ZC3H4: variants seen among roughly 807,000 people sequenced by gnomAD.
The protein encoded by ZC3H4 is zinc finger CCCH-type containing 4.
Under a neutral mutation model 108.3 loss-of-function variants are expected in ZC3H4, and 13 were observed. The observed-to-expected ratio is 0.12, with a 90% confidence interval of 0.08 to 0.19. The LOEUF (loss-of-function observed/expected upper bound fraction) is 0.19, where lower values mean the gene tolerates loss of function less well. Ranked by LOEUF, ZC3H4 falls within the 10% of genes least tolerant of loss-of-function variation. The pLI is 1.00. For synonymous variants in ZC3H4, 917 were observed against 749.6 expected, an observed-to-expected ratio of 1.22 and a Z score of -3.65; for missense variants, 1,734 against 1,838.8, an observed-to-expected ratio of 0.94 and a Z score of 1.04.
At chr19:47,096,699 A>T in intron 2 of ZC3H4, 1 of 665,616 alleles carries the variant, frequency 1.5e-6, no homozygotes, top group Non-Finnish European at 1.9e-6. Context: ...GAACAACATT[A>T]CTCTCGACAC....
At chr19:47,073,296 G>A (rs1032782244) in intron 11 of ZC3H4, among the ~76,000 whole-genome samples, 4 of 152,028 alleles carry the variant, frequency 2.6e-5, no homozygotes, top group African/African-American at 4.8e-5. Context: ...AATGCCAGAC[G>A]TGGTGGCTCA....
intron 2 of ZC3H4, among the ~76,000 whole-genome samples, chr19:47,097,271 G>T (rs1431512579): frequency 6.6e-6 from 1 of 152,208 alleles, no homozygotes; most frequent in African/African-American, 2.4e-5. Flanking sequence ...TTGAAATTTT[G>T]TTTCCCTAAA....
intron 5 of ZC3H4, among the ~76,000 whole-genome samples, chr19:47,089,242 C>T (rs1389714148): frequency 1.4e-5 from 2 of 142,196 alleles, no homozygotes; most frequent in Admixed American, 7.1e-5. Context: ...AATGAATGAA[C>T]AGCTACTCAA....
chr19:47,066,965 C>A lies in ZC3H4; in HGVS notation c.3303G>T (p.Glu1101Asp). Residue 1101 changes from glutamate (E) to aspartate (D), a missense_variant, in exon 15 of 15, where the codon GAG (glutamate) becomes GAT (aspartate). Transcript: ENST00000253048. ...TCGGGCTGGCGGTGGGAGAGGGCGCCTCAGCAGGGCCGGGCTTGGCAGCCC... is the reference window on the plus strand; with the variant it reads ...TCGGGCTGGCGGTGGGAGAGGGCGCATCAGCAGGGCCGGGCTTGGCAGCCC... ...SSRAAKPGPA[E>D]APSPTASPSG... 1 of 1,592,200 alleles carries A rather than the reference C, an allele frequency of 6.3e-7. No individual in the cohort carries two copies. The highest frequency in any genetic ancestry group is 1.1e-5 in the South Asian group (1 of 89,162).
chr19:47,068,249 C>G (rs745743815), intron 14 of ZC3H4, among the ~76,000 whole-genome samples: 2 of 152,236 alleles, frequency 1.3e-5, no homozygotes, highest in Non-Finnish European at 2.9e-5. Context: ...CAGAGCTCTG[C>G]TGTTTCCTCC....
Position 47,066,585 on chromosome 19 carries a change from G to T in ZC3H4, c.3683C>A (p.Ala1228Asp). Residue 1228 changes from alanine (A) to aspartate (D), a missense_variant, in exon 15 of 15, where the codon GCC (alanine) becomes GAC (aspartate). By Grantham distance (126) the Ala-to-Asp change is moderately radical. This residue lies in a region of ZC3H4 where 518 missense variants were observed against 499.6 expected (regional missense o/e 1.04). Coordinates refer to ENST00000253048, the MANE Select transcript of ZC3H4 (RefSeq NM_015168.2). ...TGGGGTGGCGGTGGTGGCAGCGGGG[G>T]CTGCAGCAGCCTTGGGCCGGGGCCG... is the stretch of plus-strand genomic sequence containing the variant. ...YNRPRPKAAA[A>D]PAATTATPPP... 6.3e-7 allele frequency: 1 copy of T among 1,595,730 alleles called. No homozygotes were observed. The highest frequency in any genetic ancestry group is 8.5e-7 in the Non-Finnish European group (1 of 1,170,622).
chr19:47,112,316 C>T (rs2058050745), intron 2 of ZC3H4, 108 bp downstream of exon 2: 4 of 1,147,770 alleles, frequency 3.5e-6, no homozygotes, highest in Non-Finnish European at 4.4e-6. Context: ...TCCTCCTCCT[C>T]CTCCTCCTCC....
intron 2 of ZC3H4, among the ~76,000 whole-genome samples, chr19:47,107,156 A>G (rs1024819195): frequency 2.0e-5 from 3 of 152,228 alleles, no homozygotes; most frequent in African/African-American, 2.4e-5. Flanking sequence ...GTCAACCCCA[A>G]TTGGCTCCCT....
chr19:47,082,041 G>A (rs1173789288), intron 10 of ZC3H4, 143 bp downstream of exon 10: 9 of 734,524 alleles, frequency 1.2e-5, no homozygotes, highest in Non-Finnish European at 2.2e-5. Flanking sequence ...GCGGACGTGA[G>A]TGTTAAATGA....
At chr19:47,099,889 G>A (rs73943619) in intron 2 of ZC3H4, among the ~76,000 whole-genome samples, 22 of 151,508 alleles carry the variant, frequency 1.5e-4, no homozygotes, top group Non-Finnish European at 2.5e-4. Flanking sequence ...GAACAGCAGC[G>A]GTTACCTTAA....
At chr19:47,091,199 G>A (rs1231601445) in intron 4 of ZC3H4, among the ~76,000 whole-genome samples, 3 of 152,180 alleles carry the variant, frequency 2.0e-5, no homozygotes, top group Admixed American at 6.5e-5. Context: ...TTGAACCCGC[G>A]AGGCAGAGGT....
chr19:47,083,542 T>C (rs2057561868), intron 9 of ZC3H4, among the ~76,000 whole-genome samples: 1 of 151,954 alleles, frequency 6.6e-6, no homozygotes, highest in Non-Finnish European at 1.5e-5. Context: ...CTGTCTCTAC[T>C]AAAAATACAA....
intron 9 of ZC3H4, 145 bp downstream of exon 9, chr19:47,084,200 T>C (rs769213187): frequency 1.5e-5 from 11 of 725,022 alleles, no homozygotes; most frequent in Non-Finnish European, 2.1e-5. Context: ...CCCAGGCAAC[T>C]CCCAGTATCG....
rs1351809612 is a variant in ZC3H4 at position 47,086,529 on chromosome 19, C to T, written c.725G>A (p.Gly242Asp). Residue 242 changes from glycine to aspartate, a missense_variant, in exon 6 of 15, where the codon GGC becomes GAC. Transcript: ENST00000253048. ...EGSSRGRGSR[G>D]RGRGYRGRGS... Reference sequence around the variant, plus strand: ...TCGGCCCCTGTAGCCCCGGCCCCGGCCTCGGCTGCCTGCATGGAGATTCAG... The same window carrying T: ...TCGGCCCCTGTAGCCCCGGCCCCGGTCTCGGCTGCCTGCATGGAGATTCAG... 6.3e-7 allele frequency: 1 copy of T among 1,587,960 alleles called. No individual in the cohort carries two copies. Among genetic ancestry groups the T allele is most frequent in the Non-Finnish European group, 8.5e-7 (1 of 1,173,668 alleles).
intron 13 of ZC3H4, among the ~76,000 whole-genome samples, chr19:47,070,171 C>T (rs916102342): frequency 6.6e-6 from 1 of 151,980 alleles, no homozygotes; most frequent in Admixed American, 6.5e-5. Flanking sequence ...CCCCACAGAA[C>T]GCTCTGCAGT....
intron 4 of ZC3H4, among the ~76,000 whole-genome samples, chr19:47,093,366 A>G (rs2057769813): frequency 6.6e-6 from 1 of 152,134 alleles, no homozygotes. Context: ...CCTACTGGCT[A>G]CTTGAGAACA....
At chr19:47,094,752 CTCTTGTTCCAT>C in intron 2 of ZC3H4, 144 bp from the exon 3 acceptor site, 2 of 767,948 alleles carry the variant, frequency 2.6e-6, no homozygotes, top group Non-Finnish European at 4.3e-6. Context: ...GGGCCATGGC[CTCTTGTTCCAT>C]CCCTTATCCT....
intron 4 of ZC3H4, among the ~76,000 whole-genome samples, chr19:47,091,267 A>G (rs1466267978): frequency 4.0e-5 from 6 of 151,370 alleles, no homozygotes; most frequent in Non-Finnish European, 1.5e-5. Flanking sequence ...GCGAAACAAC[A>G]ACTCAAAAAA....
chr19:47,069,666 C>T (rs2057291378), intron 13 of ZC3H4, among the ~76,000 whole-genome samples: 1 of 152,218 alleles, frequency 6.6e-6, no homozygotes, highest in South Asian at 2.1e-4. Context: ...CTCTGGAACA[C>T]AGATTCTGGA....
Sources: allele counts gnomAD v4.1 joint callset (sites outside exome capture counted in the v4.1 genomes callset), GRCh38; gene constraint gnomAD v4.1.1; regional missense constraint gnomAD v4.1.1; transcripts MANE v1.5; gene names NCBI Gene and HGNC (gene_info 2026-07-23, HGNC 2026-07-21).